Variants in PIGX observed in about 807,000 individuals in gnomAD.
PIGX encodes GPI alpha-1,4-mannosyltransferase I, stabilizing subunit.
Under a neutral mutation model 28.7 loss-of-function variants are expected in PIGX, and 24 were observed. The observed-to-expected ratio is 0.84, with a 90% CI of 0.60 to 1.17. PIGX has a LOEUF of 1.17. Ranked by LOEUF, PIGX falls within the 50% of genes most tolerant of loss-of-function variation. PIGX has a pLI of 0.00. For missense variants in PIGX, 305 were observed against 317.8 expected (o/e 0.96, Z 0.31); for synonymous variants, 127 against 121.0 (o/e 1.05, Z -0.33).
chr3:196,734,578 AAAG>A lies in PIGX; in HGVS notation c.*682_*684del, dbSNP rs1362842350. The A allele has an allele frequency of 1.3e-5, 2 of 152,190 alleles. No homozygotes were observed. The highest frequency in any genetic ancestry group is 6.5e-5 in the Admixed American group (1 of 15,268). 9.4% of individuals were successfully genotyped at this position (152,190 alleles called of 1,614,324 possible). ...ACCCTGTCTCCAAAGGAAAAACAAA[AAAG>A]AAGAATAAAATAATTTGGATGAAAA... On this transcript the variant is annotated 3_prime_UTR_variant, in exon 6 of 6. Transcript: ENST00000392391.
chr3:196,712,617 G>C lies in PIGX; in HGVS notation c.85G>C (p.Ala29Pro). The stretch of plus-strand genomic sequence containing the variant: ...CGGGCTCACGCGCGGGCCCGCCGCG[G>C]CCTTCACCGCCGCGCGCTCTGACGC... The change falls in exon 1 of 6, where the codon GCC becomes CCC. Residue 29 changes from alanine (A) to proline (P), a missense_variant. By Grantham distance (27) the Ala-to-Pro change is conservative. Coordinates refer to ENST00000392391, the MANE Select transcript of PIGX (RefSeq NM_017861.4). 2.5e-6 allele frequency: 3 copies of C among 1,189,794 alleles called. No individual in the cohort carries two copies. Among genetic ancestry groups the C allele is most frequent in the Non-Finnish European group, 3.1e-6 (3 of 960,816 alleles). 73.7% of individuals were successfully genotyped at this position (1,189,794 alleles called of 1,614,324 possible). A position where few individuals can be genotyped will look rare whatever the true frequency, so the allele number is the denominator to read the frequency against.
At chr3:196,722,680 T>G in intron 3 of PIGX, 124 bp downstream of exon 3, 1 of 831,266 alleles carries the variant, frequency 1.2e-6, no homozygotes. Flanking sequence ...TTTTTAGAGA[T>G]AGACTGGGCA....
In PIGX at chr3:196,712,488, C is replaced by T. The variant is rs962052994; in HGVS notation, c.-45C>T. 5 of 972,426 alleles carry T rather than the reference C, an allele frequency of 5.1e-6. No individual in the cohort carries two copies. The African/African-American group carries it at 6.9e-5, about 13-fold the overall frequency. The allele number at this position is 972,426 out of a possible 1,614,324, so 60.2% of individuals were successfully genotyped here. A position where few individuals can be genotyped will look rare whatever the true frequency, so the allele number is the denominator to read the frequency against. On this transcript the variant is annotated 5_prime_UTR_variant, in exon 1 of 6. Transcript: ENST00000392391. ...GCGGCCAGGCCCCTTCCTGCGTCCG[C>T]ACCTGGCCCCGCGCGCCCCTCTCGG...
intron 2 of PIGX, among the ~76,000 whole-genome samples, chr3:196,719,556 T>C (rs998250585): frequency 1.3e-5 from 2 of 152,228 alleles, no homozygotes; most frequent in East Asian, 3.8e-4. Context: ...CAACCTGCAA[T>C]CGTTACCTAT....
chr3:196,727,827 C>T (rs775388578), intron 3 of PIGX, 96 bp from the exon 4 acceptor site: 1 of 755,790 alleles, frequency 1.3e-6, no homozygotes, highest in Non-Finnish European at 2.1e-6. Context: ...AAATTTGACA[C>T]TGCTGTGTAT....
At chr3:196,713,401 C>A (rs549740551) in intron 1 of PIGX, among the ~76,000 whole-genome samples, 52 of 151,746 alleles carry the variant, frequency 3.4e-4, no homozygotes, top group South Asian at 1.0e-3. Flanking sequence ...TTCCCAAGTT[C>A]AAGCAATTCT....
chr3:196,732,257 T>TATA (rs1326451678), intron 5 of PIGX, among the ~76,000 whole-genome samples: 387 of 35,526 alleles, frequency 0.011, no homozygotes, highest in Non-Finnish European at 0.014. Flanking sequence ...TATATATATA[T>TATA]TTTATTTTAT....
intron 2 of PIGX, chr3:196,721,168 CT>C (rs1251676706): frequency 5.3e-6 from 2 of 376,980 alleles, no homozygotes; most frequent in Non-Finnish European, 1.0e-5. Context: ...ATTCTCTTCT[CT>C]TTTTTAGGAA....
chr3:196,733,745 C>G lies in PIGX; in HGVS notation c.634-14C>G, dbSNP rs762278079. 6.3e-7 allele frequency: 1 copy of G among 1,582,150 alleles called. No homozygotes were observed. Among genetic ancestry groups the G allele is most frequent in the Admixed American group, 1.7e-5 (1 of 59,790 alleles). ...TGCATTTTCAATGTCTAACTTCTCT[C>G]TCTCTCTCCATAGGTATATAAGAAT... On this transcript the variant is annotated splice_polypyrimidine_tract_variant and intron_variant, in intron 5 of 5. Transcript: ENST00000392391. The surrounding 1 kb of genome is among the most constrained non-coding windows in gnomAD (Gnocchi z 4.3).
chr3:196,717,030 G>A (rs1712125259), intron 2 of PIGX, 109 bp downstream of exon 2: 3 of 660,050 alleles, frequency 4.5e-6, no homozygotes, highest in Non-Finnish European at 8.0e-6. Flanking sequence ...GCCAGATGCG[G>A]TGGCTCTCAT....
intron 2 of PIGX, among the ~76,000 whole-genome samples, chr3:196,718,689 C>T (rs1712196105): frequency 6.6e-6 from 1 of 152,088 alleles, no homozygotes; most frequent in South Asian, 2.1e-4. Context: ...GTTGTGATGC[C>T]TTATTCTGGT....
intron 3 of PIGX, among the ~76,000 whole-genome samples, chr3:196,724,172 G>A (rs946794884): frequency 6.6e-6 from 1 of 151,822 alleles, no homozygotes; most frequent in African/African-American, 2.4e-5. Flanking sequence ...ATGCCACCAT[G>A]CCTGGCTAAT....
At position 196,732,249 on chromosome 3, in the gene PIGX, TATATA is replaced by T. The variant is rs1486697203; in HGVS notation, c.633+1158_633+1162del. Among the ~76,000 whole-genome samples, 120 of 35,578 alleles carry T rather than the reference TATATA, an allele frequency of 3.4e-3. 8 individuals are homozygous for T. Among genetic ancestry groups the T allele is most frequent in the African/African-American group, 0.018 (110 of 6,178 alleles). The allele number at this position is 35,578 out of a possible 152,430, so 23.3% of individuals were successfully genotyped here. The stretch of plus-strand genomic sequence containing the variant: ...ATATATATATATATATATATATATA[TATATA>T]TATTTTATTTTATTTTATTTTTTTT... On this transcript the variant is annotated intron_variant, in intron 5 of 5. Coordinates refer to ENST00000392391, the MANE Select transcript of PIGX (RefSeq NM_017861.4).
At chr3:196,732,216 T>TTATTTA (rs1400132891) in intron 5 of PIGX, among the ~76,000 whole-genome samples, 56 of 51,284 alleles carry the variant, frequency 1.1e-3, no homozygotes, top group Non-Finnish European at 1.4e-3. Flanking sequence ...TATATATTAT[T>TTATTTA]TATATATATA....
intron 5 of PIGX, among the ~76,000 whole-genome samples, chr3:196,731,678 A>G (rs1712761662): frequency 6.6e-6 from 1 of 152,206 alleles, no homozygotes; most frequent in Non-Finnish European, 1.5e-5. Context: ...CTCAAACTCT[A>G]AAATACATCT....
chr3:196,714,096 T>C (rs1320893323), intron 1 of PIGX, among the ~76,000 whole-genome samples: 1 of 152,208 alleles, frequency 6.6e-6, no homozygotes, highest in Non-Finnish European at 1.5e-5. Flanking sequence ...ATTTTTCTTC[T>C]AATTTAATTT....
chr3:196,727,905 T>C lies in PIGX; in HGVS notation c.319-18T>C. 1 of 1,494,244 alleles carries C rather than the reference T, an allele frequency of 6.7e-7. No individual in the cohort carries two copies. Among genetic ancestry groups the C allele is most frequent in the Non-Finnish European group, 9.2e-7 (1 of 1,081,682 alleles). The allele number at this position is 1,494,244 out of a possible 1,614,324, so 92.6% of individuals were successfully genotyped here. On this transcript the variant is annotated intron_variant, in intron 3 of 5. Coordinates refer to ENST00000392391, the MANE Select transcript of PIGX (RefSeq NM_017861.4). Reference sequence around the variant, plus strand: ...CATTCATTTCTTCTTGATTAATATTTATTTTCTTTTTGAACAGGCAGTGAT... The same window carrying C: ...CATTCATTTCTTCTTGATTAATATTCATTTTCTTTTTGAACAGGCAGTGAT...
intron 4 of PIGX, among the ~76,000 whole-genome samples, chr3:196,728,941 T>C (rs1312221674): frequency 6.6e-6 from 1 of 152,194 alleles, no homozygotes; most frequent in Non-Finnish European, 1.5e-5. Flanking sequence ...TGGGAAGATA[T>C]TTTATCACCT....
chr3:196,732,247 TATATATATATTTTA>T (rs1172646101), intron 5 of PIGX, among the ~76,000 whole-genome samples: 8 of 39,700 alleles, frequency 2.0e-4, no homozygotes, highest in South Asian at 7.8e-4. Flanking sequence ...TATATATATA[TATATATATATTTTA>T]TTTTATTTTA....
Sources: allele counts gnomAD v4.1 joint callset (sites outside exome capture counted in the v4.1 genomes callset), GRCh38; gene constraint gnomAD v4.1.1; non-coding constraint Gnocchi (gnomAD v3.1); transcripts MANE v1.5; gene names NCBI Gene and HGNC (gene_info 2026-07-23, HGNC 2026-07-21).